The following EEFSEC variants were observed in gnomAD, a reference collection of about 807,000 sequenced individuals.
The protein encoded by EEFSEC is selenocysteine-specific elongation factor.
Under a neutral mutation model 42.1 loss-of-function variants are expected in EEFSEC, and 43 were observed. That is an observed-to-expected ratio of 1.02 (90% CI 0.80 to 1.32). The LOEUF (loss-of-function observed/expected upper bound fraction) is 1.32, where lower values mean the gene tolerates loss of function less well. Among genes scored for constraint, EEFSEC ranks in the 40% most tolerant of loss-of-function variants. EEFSEC has a pLI of 0.00. For missense variants in EEFSEC, 745 were observed against 803.6 expected (o/e 0.93, Z 0.88); for synonymous variants, 354 against 339.1 (o/e 1.04, Z -0.48).
intron 1 of EEFSEC, among the ~76,000 whole-genome samples, chr3:128,209,352 G>A (rs1027776953): frequency 2.0e-5 from 3 of 152,210 alleles, no homozygotes; most frequent in African/African-American, 7.2e-5. Flanking sequence ...GAAAGACCAT[G>A]GCTAATTCAG....
the EEFSEC span, among the ~76,000 whole-genome samples, chr3:128,420,403 G>T: frequency 6.6e-6 from 1 of 152,224 alleles, no homozygotes; most frequent in African/African-American, 2.4e-5. Context: ...TGGCAGGTGG[G>T]CTGGGGGCGC....
chr3:128,319,790 C>T (rs1005903766), intron 4 of EEFSEC, among the ~76,000 whole-genome samples: 3 of 152,248 alleles, frequency 2.0e-5, no homozygotes, highest in African/African-American at 4.8e-5. Flanking sequence ...GCCATCCTCT[C>T]GACTGCAGGG....
intron 1 of EEFSEC, among the ~76,000 whole-genome samples, chr3:128,190,101 A>G (rs547442171): frequency 6.6e-6 from 1 of 152,096 alleles, no homozygotes; most frequent in East Asian, 1.9e-4. Context: ...GAGCTCAGGC[A>G]ATGCACCCGC....
intron 1 of EEFSEC, among the ~76,000 whole-genome samples, chr3:128,211,757 T>C (rs2065758225): frequency 6.6e-6 from 1 of 151,472 alleles, no homozygotes; most frequent in Admixed American, 6.6e-5. Flanking sequence ...TTCAGGCAAT[T>C]TGCCTGCCTC....
At chr3:128,234,795 G>A (rs1326397661) in intron 1 of EEFSEC, among the ~76,000 whole-genome samples, 1 of 152,198 alleles carries the variant, frequency 6.6e-6, no homozygotes, top group Non-Finnish European at 1.5e-5. Context: ...ATGGTGTTAA[G>A]GGACGTCGAT....
Position 128,370,872 on chromosome 3 carries a change from G to T in EEFSEC, c.1600+12499G>T, listed in dbSNP as rs570201609. ...GAAGGTGGGAAGTTTTACCGATGCA[G>T]TGAGGCTTGAGCTTGTCTTGAAGGT... On this transcript the variant is annotated intron_variant, in intron 6 of 6. Coordinates refer to ENST00000254730, the MANE Select transcript of EEFSEC (RefSeq NM_021937.5). 2.6e-5 allele frequency among the ~76,000 whole-genome samples: 4 copies of T among 152,346 alleles called. No homozygotes were observed. The South Asian group carries it at 8.3e-4, about 32-fold the overall frequency.
At chr3:128,367,676 A>G in intron 6 of EEFSEC, 1 of 985,376 alleles carries the variant, frequency 1.0e-6, no homozygotes, top group East Asian at 1.1e-4. Context: ...CCCACCTTAC[A>G]GGGAGAGAGA....
intron 4 of EEFSEC, among the ~76,000 whole-genome samples, chr3:128,336,178 G>C (rs1477908010): frequency 6.6e-6 from 1 of 152,112 alleles, no homozygotes; most frequent in East Asian, 1.9e-4. Flanking sequence ...GCATGAGGCA[G>C]ATCCTCAAAC....
chr3:128,207,430 C>T (rs2065709328), intron 1 of EEFSEC, among the ~76,000 whole-genome samples: 1 of 151,738 alleles, frequency 6.6e-6, no homozygotes, highest in Non-Finnish European at 1.5e-5. Flanking sequence ...TTTTTAACAC[C>T]CACTCGATTA....
chr3:128,413,888 C>G, the EEFSEC span, among the ~76,000 whole-genome samples: 8 of 152,232 alleles, frequency 5.3e-5, no homozygotes, highest in African/African-American at 1.9e-4. Flanking sequence ...ACCCCGTTGG[C>G]AGGGCCAGTC....
chr3:128,313,770 G>A (rs1387039804), intron 4 of EEFSEC, among the ~76,000 whole-genome samples: 1 of 152,218 alleles, frequency 6.6e-6, no homozygotes, highest in Non-Finnish European at 1.5e-5. Context: ...GCACATTTTT[G>A]TTAGTTTACT....
chr3:128,191,381 G>T (rs1486556363), intron 1 of EEFSEC, among the ~76,000 whole-genome samples: 1 of 151,944 alleles, frequency 6.6e-6, no homozygotes, highest in Non-Finnish European at 1.5e-5. Context: ...TGCAACATGG[G>T]CTCAAGCAAT....
chr3:128,281,705 T>C (rs2066527472), intron 4 of EEFSEC, among the ~76,000 whole-genome samples: 2 of 152,110 alleles, frequency 1.3e-5, no homozygotes, highest in South Asian at 4.1e-4. Flanking sequence ...CTCCAGGGCC[T>C]GGCTGGTTCA....
chr3:128,294,584 A>G (rs2066681966), intron 4 of EEFSEC, among the ~76,000 whole-genome samples: 1 of 152,086 alleles, frequency 6.6e-6, no homozygotes, highest in South Asian at 2.1e-4. Context: ...AGAACTCATG[A>G]CCTTGTGGGA....
At chr3:128,199,562 G>GT (rs2065621443) in intron 1 of EEFSEC, among the ~76,000 whole-genome samples, 1 of 152,162 alleles carries the variant, frequency 6.6e-6, no homozygotes, top group Non-Finnish European at 1.5e-5. Context: ...TTTAATGGAT[G>GT]TTTTTGGTGT....
At chr3:128,270,625 G>A (rs1476074806) in intron 4 of EEFSEC, among the ~76,000 whole-genome samples, 1 of 152,180 alleles carries the variant, frequency 6.6e-6, no homozygotes, top group Non-Finnish European at 1.5e-5. Context: ...TAATCACAAG[G>A]GTGAGATAAG....
chr3:128,212,866 C>T (rs1365604876), intron 1 of EEFSEC, among the ~76,000 whole-genome samples: 1 of 152,192 alleles, frequency 6.6e-6, no homozygotes, highest in African/African-American at 2.4e-5. Context: ...CCAGCCTCCC[C>T]AGGCAGTGAT....
At chr3:128,357,083 C>A (rs956351581) in intron 5 of EEFSEC, among the ~76,000 whole-genome samples, 7 of 152,342 alleles carry the variant, frequency 4.6e-5, no homozygotes, top group African/African-American at 1.7e-4. Context: ...ATAACAGCTG[C>A]CAGACTGGTG....
chr3:128,195,498 C>T (rs2065575006), intron 1 of EEFSEC, among the ~76,000 whole-genome samples: 1 of 152,160 alleles, frequency 6.6e-6, no homozygotes, highest in Admixed American at 6.5e-5. Context: ...AAAGGACACT[C>T]CAAAGCCAAA....
Sources: gnomAD v4.1 joint callset for allele counts (sites outside exome capture counted in the v4.1 genomes callset) on GRCh38, gnomAD v4.1.1 for gene constraint, MANE v1.5 for transcripts, NCBI Gene and HGNC (gene_info 2026-07-23, HGNC 2026-07-21) for gene names.